Variants in DOT1L observed in about 807,000 individuals in gnomAD.
The protein encoded by DOT1L is histone-lysine N-methyltransferase, H3 lysine-79 specific.
Under a neutral mutation model 153.3 loss-of-function variants are expected in DOT1L, and 33 were observed. That is an observed-to-expected ratio of 0.22 (90% CI 0.16 to 0.29). DOT1L has a LOEUF of 0.29. Among genes scored for constraint, DOT1L ranks in the 10% least tolerant of loss-of-function variants. The pLI is 1.00. For synonymous variants in DOT1L, 1,135 were observed against 965.1 expected (o/e 1.18, Z -3.26); for missense variants, 1,847 against 2,119.9 (o/e 0.87, Z 2.53).
rs560941852 is a variant in DOT1L at position 2,191,395 on chromosome 19, C to T, written c.493+155C>T. 13 of 774,446 alleles carry T rather than the reference C, an allele frequency of 1.7e-5. No homozygotes were observed. Among genetic ancestry groups the T allele is most frequent in the African/African-American group, 3.5e-5 (2 of 57,658 alleles). The allele number at this position is 774,446 out of a possible 1,614,324, so 48.0% of individuals were successfully genotyped here. ...CAGCGCCTCTGTCCCGCTGTGGGGCCGTTCCTTTCCCCAGCCCTGACCGGG... is the reference window on the plus strand; with the variant it reads ...CAGCGCCTCTGTCCCGCTGTGGGGCTGTTCCTTTCCCCAGCCCTGACCGGG... On this transcript the variant is annotated intron_variant, in intron 5 of 27. Transcript: ENST00000398665. This position sits in a 1 kb window ranked among gnomAD's most constrained non-coding sequence, Gnocchi z 6.8.
At chr19:2,200,215 G>A (rs942586848) in intron 8 of DOT1L, among the ~76,000 whole-genome samples, 26 of 152,226 alleles carry the variant, frequency 1.7e-4, no homozygotes, top group African/African-American at 6.3e-4. Flanking sequence ...GGGACACTGT[G>A]GGCCCCTCTC....
chr19:2,165,429 C>A (rs1425503741), intron 1 of DOT1L, among the ~76,000 whole-genome samples: 1 of 152,136 alleles, frequency 6.6e-6, no homozygotes, highest in African/African-American at 2.4e-5. Flanking sequence ...CCAGCCTGGC[C>A]GCACGTCCCG....
chr19:2,206,662 C>T (rs1008340404), intron 9 of DOT1L, 67 bp from the exon 10 acceptor site: 29 of 1,516,760 alleles, frequency 1.9e-5, no homozygotes, highest in Non-Finnish European at 2.4e-5. Context: ...TTCTCTGTCA[C>T]CTTGAGTGGT....
chr19:2,203,832 C>T (rs1363609308), intron 9 of DOT1L, among the ~76,000 whole-genome samples: 1 of 152,212 alleles, frequency 6.6e-6, no homozygotes, highest in African/African-American at 2.4e-5. Context: ...AGGCTCTCCA[C>T]CAAGCCCTGC....
At chr19:2,223,243 CTGTGGTA>C (rs751446981) in intron 24 of DOT1L, 31 bp from the exon 25 acceptor site, 1 of 1,606,912 alleles carries the variant, frequency 6.2e-7, no homozygotes, top group Non-Finnish European at 8.5e-7. Context: ...GGTCCCGGGT[CTGTGGTA>C]TGTGCATCCA....
In DOT1L at chr19:2,197,012, G is replaced by A. The variant is rs1401345010; in HGVS notation, c.651+2435G>A. Reference sequence around the variant, plus strand: ...TGGGTTTCCAGTGCTGAACGCGTCCGCCTTGGTCGGCGTGCGATTCTGTTT... The same window carrying A: ...TGGGTTTCCAGTGCTGAACGCGTCCACCTTGGTCGGCGTGCGATTCTGTTT... On this transcript the variant is annotated intron_variant, in intron 7 of 27. Transcript: ENST00000398665. This position sits in a 1 kb window ranked among gnomAD's most constrained non-coding sequence, Gnocchi z 4.1. 2.0e-5 allele frequency among the ~76,000 whole-genome samples: 3 copies of A among 152,218 alleles called. No homozygotes were observed. The highest frequency in any genetic ancestry group is 2.1e-4 in the South Asian group (1 of 4,830).
intron 1 of DOT1L, among the ~76,000 whole-genome samples, chr19:2,174,933 G>C (rs1413251623): frequency 1.3e-5 from 2 of 149,664 alleles, no homozygotes; most frequent in East Asian, 2.0e-4. Context: ...CATTATGTCT[G>C]ATCTCTTTTT....
At chr19:2,166,996 G>C (rs1042753305) in intron 1 of DOT1L, among the ~76,000 whole-genome samples, 2 of 152,198 alleles carry the variant, frequency 1.3e-5, no homozygotes, top group Non-Finnish European at 2.9e-5. Context: ...CTTTCAGGCG[G>C]CCAAATCCGT....
chr19:2,211,271 C>T lies in DOT1L; in HGVS notation c.1465+59C>T, dbSNP rs892376992. The T allele has an allele frequency of 3.4e-6, 5 of 1,452,850 alleles. No individual in the cohort carries two copies. In the African/African-American group the frequency reaches 7.0e-5, roughly 20 times the overall value. 90.0% of individuals were successfully genotyped at this position (1,452,850 alleles called of 1,614,324 possible). ...TGGGCTTGGGGTCATCCCAGGAGGA[C>T]CGTGGGTTGTGACGCTGACCTCGCA... On this transcript the variant is annotated intron_variant, in intron 15 of 27. Coordinates refer to ENST00000398665, the MANE Select transcript of DOT1L (RefSeq NM_032482.3).
Position 2,229,194 on chromosome 19 carries a change from C to T in DOT1L, c.4607-591C>T, listed in dbSNP as rs1262919166. ...TGAGGCCTTCAGGGAATGTCCTGTT[C>T]ACTCCTCCCCCAAGAGGCTGTGGAG... On this transcript the variant is annotated intron_variant, in intron 27 of 27. Transcript: ENST00000398665. The T allele has an allele frequency of 5.1e-6, 5 of 985,472 alleles. No homozygotes were observed. In the East Asian group the frequency reaches 5.7e-4, roughly 112 times the overall value. The allele number at this position is 985,472 out of a possible 1,614,324, so 61.0% of individuals were successfully genotyped here.
At chr19:2,221,439 A>G (rs772970137) in intron 23 of DOT1L, 3 of 155,478 alleles carry the variant, frequency 1.9e-5, no homozygotes, top group Non-Finnish European at 2.8e-5. Context: ...GCGCCCCTGC[A>G]CTGAGGCCTC....
At chr19:2,211,938 G>A (rs1474301132) in intron 16 of DOT1L, 96 bp downstream of exon 16, 58 of 1,179,532 alleles carry the variant, frequency 4.9e-5, no homozygotes, top group Middle Eastern at 2.5e-4. Flanking sequence ...GCCCTGGAGC[G>A]CAGGCCTGAG....
At chr19:2,213,661 G>A in intron 17 of DOT1L, 21 bp downstream of exon 17, 1 of 1,612,898 alleles carries the variant, frequency 6.2e-7, no homozygotes, top group South Asian at 1.1e-5. Context: ...CCAGAGGGCA[G>A]GTGGCAGGTG....
chr19:2,226,678 G>T lies in DOT1L; in HGVS notation c.4157G>T (p.Gly1386Val), dbSNP rs763271310. 15 of 1,575,438 alleles carry T rather than the reference G, an allele frequency of 9.5e-6. No individual in the cohort carries two copies. The highest frequency in any genetic ancestry group is 1.3e-5 in the Non-Finnish European group (15 of 1,165,120). Residue 1386 changes from glycine (G) to valine (V), a missense_variant, in exon 27 of 28, where the codon GGC becomes GTC. This residue lies in a region of DOT1L where 934 missense variants were observed against 825.3 expected (regional missense o/e 1.13). Transcript: ENST00000398665. ...GGGCTGAAGGGCGAGGGCAGCCGCG[G>T]CAAGGAGGCAGGGGAGGGCGGCCTA... ...LAGLKGEGSR[G>V]KEAGEGGLPL...
intron 3 of DOT1L, among the ~76,000 whole-genome samples, chr19:2,186,369 A>G (rs547580809): frequency 6.6e-6 from 1 of 151,720 alleles, no homozygotes; most frequent in South Asian, 2.1e-4. Context: ...TCGCCCTGGC[A>G]GCTCCTGGGT....
chr19:2,225,410 A>G lies in DOT1L; in HGVS notation c.3619A>G (p.Ile1207Val). ...SARIERKIAT[I>V]SLESKSPPKT... ...CAGAATTGAGAGAAAAATTGCAACA[A>G]TCTCCTTAGAAAGCAAATCTCCCCC... Residue 1207 changes from isoleucine to valine, a missense_variant, in exon 26 of 28, where the codon ATC (isoleucine) becomes GTC (valine). Around this residue, in one of 8 missense-constraint regions of DOT1L, gnomAD observed 934 missense variants for 825.3 expected, o/e 1.13. Transcript: ENST00000398665. 6.2e-7 allele frequency: 1 copy of G among 1,614,132 alleles called. No homozygotes were observed.
intron 7 of DOT1L, among the ~76,000 whole-genome samples, chr19:2,198,969 G>A (rs75714482): frequency 0.027 from 4,097 of 152,266 alleles, 192 homozygotes; most frequent in African/African-American, 0.093. Context: ...GCTGATGGAC[G>A]CTTGGCTGCT....
At chr19:2,209,575 C>CCT (rs2023634997) in intron 12 of DOT1L, among the ~76,000 whole-genome samples, 1 of 152,224 alleles carries the variant, frequency 6.6e-6, no homozygotes, top group Non-Finnish European at 1.5e-5. Context: ...AGGGCTGTCC[C>CCT]CTCCTCTCCC....
intron 1 of DOT1L, among the ~76,000 whole-genome samples, chr19:2,167,978 G>T (rs558444939): frequency 6.6e-6 from 1 of 151,996 alleles, no homozygotes; most frequent in African/African-American, 2.4e-5. Context: ...CAGGTGATCC[G>T]TCCACCTCGG....
Sources: allele counts gnomAD v4.1 joint callset (sites outside exome capture counted in the v4.1 genomes callset), GRCh38; gene constraint gnomAD v4.1.1; regional missense constraint gnomAD v4.1.1; non-coding constraint Gnocchi (gnomAD v3.1); transcripts MANE v1.5; gene names NCBI Gene and HGNC (gene_info 2026-07-23, HGNC 2026-07-21).